FARS2: variants seen among roughly 807,000 people sequenced by gnomAD.
FARS2 encodes phenylalanyl-tRNA synthetase 2, mitochondrial.
A neutral mutation model predicts 46.4 loss-of-function variants in FARS2; 40 were observed. That is an observed-to-expected ratio of 0.86 (90% CI 0.67 to 1.12). The LOEUF (loss-of-function observed/expected upper bound fraction) is 1.12, where lower values mean the gene tolerates loss of function less well. Ranked by LOEUF, FARS2 falls within the 50% of genes most tolerant of loss-of-function variation. The pLI is 0.00. For missense variants in FARS2, 513 were observed against 567.9 expected, an observed-to-expected ratio of 0.90 and a Z score of 0.98; for synonymous variants, 234 against 214.9, an observed-to-expected ratio of 1.09 and a Z score of -0.78.
intron 6 of FARS2, among the ~76,000 whole-genome samples, chr6:5,734,269 A>G (rs1348514756): frequency 1.3e-5 from 2 of 152,230 alleles, no homozygotes; most frequent in East Asian, 3.9e-4. Flanking sequence ...GAGGAGCACA[A>G]GAGCCTGCAA....
intron 4 of FARS2, among the ~76,000 whole-genome samples, chr6:5,544,878 A>G (rs530223694): frequency 1.4e-4 from 22 of 152,330 alleles, no homozygotes; most frequent in Non-Finnish European, 2.5e-4. Context: ...AGCAAAGACT[A>G]CAGAAAAATC....
intron 6 of FARS2, among the ~76,000 whole-genome samples, chr6:5,696,839 G>A (rs76417229): frequency 0.055 from 8,335 of 152,174 alleles, 248 homozygotes; most frequent in Non-Finnish European, 0.072. Context: ...TTAGGGCCCT[G>A]TTTGCAAGAA....
chr6:5,426,631 AATTT>A (rs1185492622), intron 3 of FARS2, among the ~76,000 whole-genome samples: 1 of 152,156 alleles, frequency 6.6e-6, no homozygotes, highest in Non-Finnish European at 1.5e-5. Context: ...ACAATTAATT[AATTT>A]ATTTATTTGA....
At chr6:5,549,993 C>G (rs1166338700) in intron 5 of FARS2, among the ~76,000 whole-genome samples, 1 of 152,172 alleles carries the variant, frequency 6.6e-6, no homozygotes, top group Non-Finnish European at 1.5e-5. Context: ...TTATGTGACA[C>G]TCTGGGTATG....
chr6:5,399,730 T>C (rs1761140441), intron 2 of FARS2, among the ~76,000 whole-genome samples: 1 of 152,212 alleles, frequency 6.6e-6, no homozygotes, highest in Non-Finnish European at 1.5e-5. Flanking sequence ...AAGTAATATA[T>C]GCCCTCTTGC....
chr6:5,302,942 G>T (rs1581733087), intron 1 of FARS2, among the ~76,000 whole-genome samples: 1 of 152,290 alleles, frequency 6.6e-6, no homozygotes, highest in East Asian at 1.9e-4. Flanking sequence ...CAGCTGCTGA[G>T]GAACGAGAGT....
intron 4 of FARS2, among the ~76,000 whole-genome samples, chr6:5,443,616 T>C (rs138703549): frequency 1.7e-3 from 260 of 152,294 alleles, no homozygotes; most frequent in African/African-American, 6.0e-3. Context: ...GTAAGAAGCA[T>C]GTGGAGTGGA....
At chr6:5,540,207 G>C (rs1770534468) in intron 4 of FARS2, among the ~76,000 whole-genome samples, 1 of 152,180 alleles carries the variant, frequency 6.6e-6, no homozygotes, top group Admixed American at 6.5e-5. Flanking sequence ...ATAACTTTAT[G>C]ATAATTCGAT....
chr6:5,759,204 C>A (rs1450358580), intron 6 of FARS2, among the ~76,000 whole-genome samples: 2 of 152,176 alleles, frequency 1.3e-5, no homozygotes, highest in Non-Finnish European at 2.9e-5. Flanking sequence ...GGACTGCCCG[C>A]CACCCGCTCT....
chr6:5,335,574 A>C (rs1771097000), intron 1 of FARS2, among the ~76,000 whole-genome samples: 1 of 152,202 alleles, frequency 6.6e-6, no homozygotes, highest in Non-Finnish European at 1.5e-5. Flanking sequence ...TCTTAGGTGA[A>C]TATTAACATG....
At chr6:5,387,082 G>A (rs1235537958) in intron 2 of FARS2, among the ~76,000 whole-genome samples, 1 of 152,204 alleles carries the variant, frequency 6.6e-6, no homozygotes, top group Admixed American at 6.5e-5. Context: ...GTATTTGTGA[G>A]AGGGGATAGT....
intron 6 of FARS2, among the ~76,000 whole-genome samples, chr6:5,755,092 T>G (rs146143655): frequency 1.3e-5 from 2 of 152,370 alleles, no homozygotes; most frequent in East Asian, 3.9e-4. Context: ...AAACAGTTCC[T>G]TAGAGTTGTC....
intron 4 of FARS2, among the ~76,000 whole-genome samples, chr6:5,522,883 A>C (rs1000784393): frequency 6.6e-6 from 1 of 152,230 alleles, no homozygotes; most frequent in Non-Finnish European, 1.5e-5. Context: ...CCAGGAATAA[A>C]GTATTTACAT....
chr6:5,744,270 G>T (rs1407040762), intron 6 of FARS2, among the ~76,000 whole-genome samples: 4 of 152,144 alleles, frequency 2.6e-5, no homozygotes, highest in Admixed American at 2.6e-4. Context: ...GAACCACTGC[G>T]GCAGGACAAC....
At chr6:5,770,565 A>AGGCCTGCCAGTTCATGGCCC (rs1193407211) in intron 6 of FARS2, among the ~76,000 whole-genome samples, 5 of 152,220 alleles carry the variant, frequency 3.3e-5, no homozygotes, top group Non-Finnish European at 5.9e-5. Context: ...GGACAGGGCC[A>AGGCCTGCCAGTTCATGGCCC]GGCCTGCCAG....
At chr6:5,308,962 T>G (rs1768910009) in intron 1 of FARS2, among the ~76,000 whole-genome samples, 3 of 152,166 alleles carry the variant, frequency 2.0e-5, no homozygotes, top group African/African-American at 7.2e-5. Context: ...GCCTTTGTAA[T>G]AAGGGCACTA....
chr6:5,545,144 C>G, intron 4 of FARS2, 36 bp from the exon 5 acceptor site: 1 of 1,608,998 alleles, frequency 6.2e-7, no homozygotes, highest in Non-Finnish European at 8.5e-7. Flanking sequence ...AATCTCGATA[C>G]TTTTTAAAAA....
At chr6:5,672,580 A>G (rs953984278) in intron 6 of FARS2, among the ~76,000 whole-genome samples, 2 of 152,212 alleles carry the variant, frequency 1.3e-5, no homozygotes, top group African/African-American at 4.8e-5. Context: ...TCTGGTCTCA[A>G]AGTAAAGATT....
chr6:5,640,058 C>T (rs1267832413), intron 6 of FARS2, among the ~76,000 whole-genome samples: 1 of 152,078 alleles, frequency 6.6e-6, no homozygotes, highest in East Asian at 1.9e-4. Context: ...AGTTGTATTC[C>T]CAAGATAATG....
Sources: gnomAD v4.1 joint callset for allele counts (sites outside exome capture counted in the v4.1 genomes callset) on GRCh38, gnomAD v4.1.1 for gene constraint, MANE v1.5 for transcripts, NCBI Gene and HGNC (gene_info 2026-07-23, HGNC 2026-07-21) for gene names.